SVIL: variants seen among roughly 807,000 people sequenced by gnomAD.
SVIL encodes the protein archvillin.
Under a neutral mutation model 240.4 loss-of-function variants are expected in SVIL, and 101 were observed. The observed-to-expected ratio is 0.42, with a 90% CI of 0.36 to 0.50. The LOEUF is 0.50. SVIL is among the 20% of genes least tolerant of loss of function. SVIL has a pLI of 0.01. For synonymous variants in SVIL, 999 were observed against 1,100.0 expected, an observed-to-expected ratio of 0.91 and a Z score of 1.82; for missense variants, 2,512 against 2,818.7, an observed-to-expected ratio of 0.89 and a Z score of 2.46.
intron 18 of SVIL, among the ~76,000 whole-genome samples, chr10:29,498,309 T>C (rs962490994): frequency 6.6e-6 from 1 of 151,750 alleles, no homozygotes; most frequent in African/African-American, 2.4e-5. Flanking sequence ...TCCCAGCTAC[T>C]TGGGGGGCTG....
At chr10:29,481,919 C>A (rs1946898657) in intron 27 of SVIL, among the ~76,000 whole-genome samples, 191 bp from the exon 28 acceptor site, 1 of 151,650 alleles carries the variant, frequency 6.6e-6, no homozygotes, top group Non-Finnish European at 1.5e-5. Context: ...AGTCTGAAGT[C>A]TTGCAAAGCT....
chr10:29,534,163 A>C (rs774880682), intron 7 of SVIL, among the ~76,000 whole-genome samples: 1 of 152,158 alleles, frequency 6.6e-6, no homozygotes, highest in Non-Finnish European at 1.5e-5. Flanking sequence ...AACATTTCCC[A>C]CCACCATCCC....
intron 3 of SVIL, among the ~76,000 whole-genome samples, chr10:29,558,112 C>T (rs1458324081): frequency 1.3e-5 from 2 of 152,178 alleles, no homozygotes; most frequent in Admixed American, 6.5e-5. Flanking sequence ...AAATACACAG[C>T]CTGTGCCTTA....
chr10:29,463,752 A>T, intron 34 of SVIL, 117 bp from the exon 35 acceptor site: 2 of 1,418,258 alleles, frequency 1.4e-6, no homozygotes, highest in Non-Finnish European at 1.9e-6. Flanking sequence ...ACAGGGGGAA[A>T]CCCCCTTGGC....
intron 1 of SVIL, among the ~76,000 whole-genome samples, chr10:29,699,804 C>T (rs1962366991): frequency 6.6e-6 from 1 of 152,232 alleles, no homozygotes; most frequent in Non-Finnish European, 1.5e-5. Context: ...GGCCTCCGGG[C>T]ACCTGAAGGC....
intron 2 of SVIL, among the ~76,000 whole-genome samples, chr10:29,669,698 T>TGAAC (rs1959613303): frequency 6.6e-6 from 1 of 151,968 alleles, no homozygotes; most frequent in South Asian, 2.1e-4. Context: ...GGCCGCTGAG[T>TGAAC]GAACGAAGGT....
At chr10:29,629,319 G>A (rs74918270) in intron 1 of SVIL, among the ~76,000 whole-genome samples, 17 of 152,016 alleles carry the variant, frequency 1.1e-4, no homozygotes, top group African/African-American at 3.1e-4. Context: ...TTCGAGTCCC[G>A]CACCCCAGCT....
Position 29,663,849 on chromosome 10 carries a change from T to G in SVIL, c.-300-5781A>C, listed in dbSNP as rs1472180508. Among the ~76,000 whole-genome samples the G allele has an allele frequency of 2.6e-5, 4 of 152,326 alleles. No homozygotes were observed. In the East Asian group the frequency reaches 7.7e-4, roughly 29 times the overall value. On this transcript the variant is annotated intron_variant, in intron 2 of 35. Coordinates refer to the SVIL transcript ENST00000375400. ...CGCTGGTTCTCCCGGTGAGTGCTGC[T>G]GGCAATCAGCACATCGGCAACTGCA...
At chr10:29,733,776 C>T (rs1213913414) in intron 1 of SVIL, among the ~76,000 whole-genome samples, 1 of 152,210 alleles carries the variant, frequency 6.6e-6, no homozygotes, top group Non-Finnish European at 1.5e-5. Context: ...CGTTCCAAGT[C>T]CCTGACTGTC....
At chr10:29,458,672 C>T in intron 36 of SVIL, 83 bp from the exon 37 acceptor site, 1 of 1,471,352 alleles carries the variant, frequency 6.8e-7, no homozygotes, top group Non-Finnish European at 9.2e-7. Flanking sequence ...ACACACAGCC[C>T]TGTGCCACCT....
chr10:29,462,369 A>T lies in SVIL; in HGVS notation c.6310T>A (p.Tyr2104Asn). ...KNLKKPAPKS[Y>N]LIHAGLEPLT... Reference sequence around the variant, plus strand: ...GGCTCCAGACCAGCGTGGATAAGGTAAGACTTGGGGGCTGGTTTCTTGAGA... The same window carrying T: ...GGCTCCAGACCAGCGTGGATAAGGTTAGACTTGGGGGCTGGTTTCTTGAGA... Residue 2104 changes from tyrosine to asparagine, a missense_variant, in exon 36 of 38, where the codon TAC (tyrosine) becomes AAC (asparagine). Physicochemically the swap from Tyr to Asn is moderately radical, Grantham distance 143. This residue lies in a region of SVIL where 797 missense variants were observed against 925.3 expected (regional missense o/e 0.86). Coordinates refer to ENST00000355867, the MANE Select transcript of SVIL (RefSeq NM_021738.3). 1 of 1,614,172 alleles carries T rather than the reference A, an allele frequency of 6.2e-7. No homozygotes were observed.
chr10:29,505,522 C>T (rs1038683766), intron 17 of SVIL, among the ~76,000 whole-genome samples: 5 of 151,552 alleles, frequency 3.3e-5, no homozygotes, highest in African/African-American at 4.9e-5. Flanking sequence ...AAGGACTGGG[C>T]GGTGAGAGTG....
chr10:29,662,676 A>C (rs1044289274), intron 2 of SVIL, among the ~76,000 whole-genome samples: 14 of 152,344 alleles, frequency 9.2e-5, no homozygotes, highest in African/African-American at 2.9e-4. Context: ...CTAGTAAGTG[A>C]CTGGACTGTC....
intron 1 of SVIL, among the ~76,000 whole-genome samples, chr10:29,623,334 A>G (rs1338324917): frequency 1.3e-5 from 2 of 152,230 alleles, no homozygotes; most frequent in African/African-American, 4.8e-5. Context: ...CCTCAGTGGC[A>G]CTTGCTACCA....
chr10:29,589,907 G>A (rs1234626817), intron 1 of SVIL, among the ~76,000 whole-genome samples: 5 of 152,056 alleles, frequency 3.3e-5, no homozygotes, highest in South Asian at 2.1e-4. Flanking sequence ...GGTGGCTCAC[G>A]CCTGTAATCC....
rs148718997 is a variant in SVIL at position 29,509,945 on chromosome 10, C to T, written c.3516+2790G>A. On this transcript the variant is annotated intron_variant, in intron 17 of 37. Coordinates refer to ENST00000355867, the MANE Select transcript of SVIL (RefSeq NM_021738.3). ...TGAGACAGGGTCTTGCTTTGTCACC[C>T]GAGCTGGAGTGCAGTGGCACAAATA... 4.8e-3 allele frequency among the ~76,000 whole-genome samples: 730 copies of T among 152,310 alleles called. 6 individuals carry two copies. The highest frequency in any genetic ancestry group is 0.017 in the African/African-American group (697 of 41,576).
At chr10:29,459,608 C>T (rs1943994321) in intron 36 of SVIL, among the ~76,000 whole-genome samples, 1 of 152,116 alleles carries the variant, frequency 6.6e-6, no homozygotes, top group Non-Finnish European at 1.5e-5. Flanking sequence ...TATTCTGGAG[C>T]AGAATCAATT....
rs977672160 is a variant in SVIL at position 29,543,368 on chromosome 10, G to A, written c.827+7229C>T. Among the ~76,000 whole-genome samples, 3 of 152,130 alleles carry A rather than the reference G, an allele frequency of 2.0e-5. No homozygotes were observed. The South Asian group carries it at 6.2e-4, about 32-fold the overall frequency. ...AATCTGACCACTGCAGGACGCAGGGGGACCATTGCCTACCTATGCTATTGG... is the reference window on the plus strand; with the variant it reads ...AATCTGACCACTGCAGGACGCAGGGAGACCATTGCCTACCTATGCTATTGG... On this transcript the variant is annotated intron_variant, in intron 6 of 37. Transcript: ENST00000355867.
At position 29,523,971 on chromosome 10, in the gene SVIL, G is replaced by A. The variant is rs558236640; in HGVS notation, c.2643C>T (p.Thr881=). The A allele has an allele frequency of 2.5e-5, 41 of 1,614,180 alleles. No homozygotes were observed. In the South Asian group the frequency reaches 2.7e-4, roughly 11 times the overall value. The change falls in exon 15 of 38, where the codon ACC becomes ACT. Residue 881 remains threonine (T), a synonymous_variant. Coordinates refer to ENST00000355867, the MANE Select transcript of SVIL (RefSeq NM_021738.3). The part of the protein sequence containing the change: ...FSPAVNTSVS[T]VASTVAPMYA... The stretch of plus-strand genomic sequence containing the variant: ...ACATTGGAGCAACCGTGGATGCTAC[G>A]GTAGACACTGATGTGTTCACGGCAG...
Sources: gnomAD v4.1 joint callset for allele counts (sites outside exome capture counted in the v4.1 genomes callset) on GRCh38, gnomAD v4.1.1 for gene constraint, gnomAD v4.1.1 regional missense constraint, MANE v1.5 for transcripts, NCBI Gene and HGNC (gene_info 2026-07-23, HGNC 2026-07-21) for gene names.